Variants in MKLN1 observed in about 807,000 individuals in gnomAD.
MKLN1 encodes the protein muskelin.
In MKLN1, 18 loss-of-function variants were observed where a neutral mutation model predicts 99.0. That is an observed-to-expected ratio of 0.18 (90% CI 0.13 to 0.27). The LOEUF (loss-of-function observed/expected upper bound fraction) is 0.27, where lower values mean the gene tolerates loss of function less well. MKLN1 is among the 10% of genes least tolerant of loss of function. MKLN1 has a pLI of 1.00. For missense variants in MKLN1, 621 were observed against 875.9 expected, an observed-to-expected ratio of 0.71 and a Z score of 3.67; for synonymous variants, 288 against 293.2, an observed-to-expected ratio of 0.98 and a Z score of 0.18.
intron 1 of MKLN1, 142 bp downstream of exon 1, chr7:131,328,139 C>T (rs1462980234): frequency 1.9e-6 from 2 of 1,044,282 alleles, no homozygotes; most frequent in Admixed American, 2.5e-5. Flanking sequence ...AGTCTTAGTT[C>T]AGCTGCTGAG....
At chr7:131,456,920 G>A (rs78012420) in intron 12 of MKLN1, among the ~76,000 whole-genome samples, 9,336 of 150,994 alleles carry the variant, frequency 0.062, 342 homozygotes, top group Non-Finnish European at 0.075. Flanking sequence ...GACAGTTGAG[G>A]ACTACAACTG....
At chr7:131,158,526 C>T (rs1208782232) in intron 2 of MKLN1, among the ~76,000 whole-genome samples, 1 of 152,196 alleles carries the variant, frequency 6.6e-6, no homozygotes, top group Non-Finnish European at 1.5e-5. Flanking sequence ...GGTGTCATTC[C>T]ACTCTTTACT....
intron 3 of MKLN1, among the ~76,000 whole-genome samples, chr7:131,237,040 C>T (rs1044769963): frequency 1.3e-5 from 2 of 152,094 alleles, no homozygotes; most frequent in Non-Finnish European, 2.9e-5. Context: ...TCTGGTTCCC[C>T]CCAAGCTCTC....
At chr7:131,390,076 T>G (rs1360777700) in intron 4 of MKLN1, among the ~76,000 whole-genome samples, 1 of 152,178 alleles carries the variant, frequency 6.6e-6, no homozygotes, top group African/African-American at 2.4e-5. Context: ...TGTTTGCCAA[T>G]CTATCAAGAG....
At chr7:131,153,035 T>TATA (rs1563232771) in intron 2 of MKLN1, among the ~76,000 whole-genome samples, 1 of 120,386 alleles carries the variant, frequency 8.3e-6, no homozygotes, top group Non-Finnish European at 1.7e-5. Flanking sequence ...ATATATATAT[T>TATA]TTTTTTTTTT....
At position 131,477,115 on chromosome 7, in the gene MKLN1, CAT is replaced by C. The variant is rs1303750580; in HGVS notation, c.2032-1506_2032-1505del. Among the ~76,000 whole-genome samples, 6 of 152,202 alleles carry C rather than the reference CAT, an allele frequency of 3.9e-5. No individual in the cohort carries two copies. In the South Asian group the frequency reaches 1.0e-3, roughly 26 times the overall value. Reference sequence around the variant, plus strand: ...AAAGAATAAGGCTTTGGGAAGAAAACATAGGAGATTATCTTCACAACATTGGG... The same window carrying C: ...AAAGAATAAGGCTTTGGGAAGAAAACAGGAGATTATCTTCACAACATTGGG... On this transcript the variant is annotated intron_variant, in intron 16 of 17. Coordinates refer to ENST00000352689, the MANE Select transcript of MKLN1 (RefSeq NM_013255.5).
Position 131,463,260 on chromosome 7 carries a change from A to C in MKLN1, c.1569A>C (p.Glu523Asp). Reference sequence around the variant, plus strand: ...CACAGAGAGCAACTATTGATCCAGAACTGAATGAAATACACGTCTTATCTG... The same window carrying C: ...CACAGAGAGCAACTATTGATCCAGACCTGAATGAAATACACGTCTTATCTG... ...GFTQRATIDP[E>D]LNEIHVLSGL... Residue 523 changes from glutamate (E) to aspartate (D), a missense_variant, in exon 13 of 18, where the codon GAA becomes GAC. Physicochemically the swap from Glu to Asp is conservative, Grantham distance 45 (BLOSUM62 2). This residue lies in a region of MKLN1 where 10 missense variants were observed against 45.5 expected (regional missense o/e 0.22). Coordinates refer to ENST00000352689, the MANE Select transcript of MKLN1 (RefSeq NM_013255.5). 6.2e-7 allele frequency: 1 copy of C among 1,612,350 alleles called. No individual in the cohort carries two copies. Among genetic ancestry groups the C allele is most frequent in the East Asian group, 2.2e-5 (1 of 44,770 alleles).
chr7:131,147,398 T>C (rs557963662), intron 2 of MKLN1, among the ~76,000 whole-genome samples: 14 of 152,194 alleles, frequency 9.2e-5, no homozygotes, highest in African/African-American at 3.4e-4. Context: ...TGTATGTTAC[T>C]TGAGTTTATT....
chr7:131,215,691 G>A (rs1283916539), intron 3 of MKLN1, among the ~76,000 whole-genome samples: 1 of 152,086 alleles, frequency 6.6e-6, no homozygotes, highest in East Asian at 1.9e-4. Flanking sequence ...CTTCATAAAC[G>A]ATTACATTAT....
intron 8 of MKLN1, among the ~76,000 whole-genome samples, chr7:131,419,473 C>A (rs1795128417): frequency 6.6e-6 from 1 of 151,810 alleles, no homozygotes; most frequent in South Asian, 2.1e-4. Context: ...AACTTCTGAC[C>A]TCAGGTGATC....
At chr7:131,383,684 T>C (rs1793917596) in intron 2 of MKLN1, among the ~76,000 whole-genome samples, 1 of 152,224 alleles carries the variant, frequency 6.6e-6, no homozygotes, top group Non-Finnish European at 1.5e-5. Flanking sequence ...GTAAATGATA[T>C]CACCACTTAC....
upstream of MKLN1, chr7:131,327,784 G>C: frequency 6.9e-7 from 1 of 1,445,490 alleles, no homozygotes; most frequent in East Asian, 2.5e-5. Context: ...AACGATGCGG[G>C]GCGGGGAGCG....
chr7:131,278,719 A>G (rs1646565965), intron 3 of MKLN1, among the ~76,000 whole-genome samples: 1 of 151,966 alleles, frequency 6.6e-6, no homozygotes, highest in Non-Finnish European at 1.5e-5. Context: ...CAGCCTCCCC[A>G]GTAGCTAGGA....
intron 1 of MKLN1, among the ~76,000 whole-genome samples, chr7:131,123,519 G>A (rs966737554): frequency 1.3e-5 from 2 of 152,158 alleles, no homozygotes; most frequent in African/African-American, 4.8e-5. Context: ...TCTCTACAAA[G>A]TACAAATAAA....
chr7:131,110,498 T>C lies in MKLN1; in HGVS notation c.-419+291T>C, dbSNP rs74554865. 4.1e-4 allele frequency among the ~76,000 whole-genome samples: 62 copies of C among 152,288 alleles called. No individual in the cohort carries two copies. In the East Asian group the frequency reaches 9.8e-3, roughly 24 times the overall value. On this transcript the variant is annotated intron_variant, in intron 1 of 7. Coordinates refer to the MKLN1 transcript ENST00000416992. ...TTTGAGAAGTATCAGCCCATCGGCC[T>C]GGCGCTTTAAGGTGCAGCTGAGTAG...
rs573935004 is a variant in MKLN1 at position 131,368,896 on chromosome 7, A to T, written c.99-6528A>T. Among the ~76,000 whole-genome samples the T allele has an allele frequency of 5.7e-4, 87 of 152,266 alleles. 1 individual carries two copies. The highest frequency in any genetic ancestry group is 1.0e-3 in the Non-Finnish European group (68 of 68,008). On this transcript the variant is annotated intron_variant, in intron 1 of 17. Coordinates refer to ENST00000352689, the MANE Select transcript of MKLN1 (RefSeq NM_013255.5). ...TAATATGACAAATAACAAGAAAATA[A>T]GTAAAATCTCTTAATGGTATTTATG...
intron 3 of MKLN1, among the ~76,000 whole-genome samples, chr7:131,288,223 G>T (rs1245709123): frequency 6.6e-6 from 1 of 152,172 alleles, no homozygotes; most frequent in East Asian, 1.9e-4. Context: ...CAGAGGGTAG[G>T]AGGCAAAAGA....
chr7:131,265,052 C>A (rs1797787815), intron 3 of MKLN1, among the ~76,000 whole-genome samples: 1 of 152,142 alleles, frequency 6.6e-6, no homozygotes, highest in Non-Finnish European at 1.5e-5. Context: ...TGTGGCCAGG[C>A]TGGCCTTGAA....
chr7:131,280,793 C>G (rs150584646), intron 3 of MKLN1, among the ~76,000 whole-genome samples: 6 of 152,168 alleles, frequency 3.9e-5, no homozygotes, highest in African/African-American at 1.4e-4. Context: ...GGATTATGGG[C>G]TAACACCACC....
Sources: allele counts gnomAD v4.1 joint callset (sites outside exome capture counted in the v4.1 genomes callset), GRCh38; gene constraint gnomAD v4.1.1; regional missense constraint gnomAD v4.1.1; transcripts MANE v1.5; gene names NCBI Gene and HGNC (gene_info 2026-07-23, HGNC 2026-07-21).